The following DCLK1 variants were observed in gnomAD, a reference collection of about 807,000 sequenced individuals.
DCLK1 encodes serine/threonine-protein kinase DCLK1.
Under a neutral mutation model 86.2 loss-of-function variants are expected in DCLK1, and 16 were observed. That is an observed-to-expected ratio of 0.19 (90% CI 0.13 to 0.28). The LOEUF is 0.28. Among genes scored for constraint, DCLK1 ranks in the 10% least tolerant of loss-of-function variants. The probability of loss-of-function intolerance (pLI) is 1.00; values close to 1 mark genes in which losing one functional copy is unlikely to be tolerated. For synonymous variants in DCLK1, 369 were observed against 370.5 expected (o/e 1.00, Z 0.05); for missense variants, 590 against 940.2 (o/e 0.63, Z 4.87).
At chr13:35,909,114 A>G (rs1225193198) in intron 4 of DCLK1, among the ~76,000 whole-genome samples, 2 of 152,234 alleles carry the variant, frequency 1.3e-5, no homozygotes, top group African/African-American at 4.8e-5. Context: ...GGACTGTGTC[A>G]GCACCACACA....
rs1044522169 is a variant in DCLK1, at chr13:36,111,995, T to C, written c.597A>G (p.Lys199=). The C allele has an allele frequency of 1.6e-5, 26 of 1,614,116 alleles. No homozygotes were observed. The highest frequency in any genetic ancestry group is 2.1e-5 in the Non-Finnish European group (25 of 1,180,054). Reference sequence around the variant, plus strand: ...TCTTGTTCAGCAGAATCCTGACAGCTTTCCGTGGCTTCACGCCACTTCTGA... The same window carrying C: ...TCTTGTTCAGCAGAATCCTGACAGCCTTCCGTGGCTTCACGCCACTTCTGA... The part of the protein sequence containing the change: ...TIIRSGVKPR[K]AVRILLNKKT... Residue 199 remains lysine (K), a synonymous_variant, in exon 3 of 17, where the codon AAA becomes AAG. Transcript: ENST00000360631.
At chr13:35,840,707 C>A (rs919685262) in intron 6 of DCLK1, among the ~76,000 whole-genome samples, 1 of 152,138 alleles carries the variant, frequency 6.6e-6, no homozygotes, top group South Asian at 2.1e-4. Context: ...GCTACAAAAA[C>A]GGATTGAGAT....
intron 8 of DCLK1, among the ~76,000 whole-genome samples, chr13:35,833,152 C>A (rs941050960): frequency 6.6e-6 from 1 of 151,928 alleles, no homozygotes; most frequent in Non-Finnish European, 1.5e-5. Flanking sequence ...CAGAAGCATC[C>A]GCAGCAAGGA....
intron 2 of DCLK1, among the ~76,000 whole-genome samples, 182 bp from the exon 3 acceptor site, chr13:36,112,397 C>G (rs977372230): frequency 1.3e-5 from 2 of 152,160 alleles, no homozygotes; most frequent in African/African-American, 4.8e-5. Context: ...CTGGCACTGT[C>G]AGCAACAGAT....
chr13:35,912,878 G>A (rs1593726281), intron 4 of DCLK1, among the ~76,000 whole-genome samples: 1 of 152,186 alleles, frequency 6.6e-6, no homozygotes, highest in Non-Finnish European at 1.5e-5. Context: ...CACCCTCTGG[G>A]GTCTTGGGGG....
chr13:35,858,520 A>C (rs1871207595), intron 5 of DCLK1, among the ~76,000 whole-genome samples: 1 of 152,162 alleles, frequency 6.6e-6, no homozygotes, highest in African/African-American at 2.4e-5. Context: ...AAAACTTTGC[A>C]CTTTTCCCAT....
rs183392063 is a variant in DCLK1 at position 35,996,826 on chromosome 13, T to C, written c.724-49369A>G. Among the ~76,000 whole-genome samples, 267 of 152,340 alleles carry C rather than the reference T, an allele frequency of 1.8e-3. 1 individual carries two copies. The highest frequency in any genetic ancestry group is 2.8e-3 in the Non-Finnish European group (192 of 68,032). On this transcript the variant is annotated intron_variant, in intron 3 of 16. Transcript: ENST00000360631. ...ATCTTTTATACATGCTTTGCTTTCA[T>C]CCATATGGACAGCATAACTTTATTT...
chr13:35,871,385 C>T (rs1390138153), intron 4 of DCLK1, 45 bp from the exon 5 acceptor site: 11 of 1,444,820 alleles, frequency 7.6e-6, no homozygotes, highest in South Asian at 6.9e-5. Flanking sequence ...GGTAATGGCA[C>T]ACACACACCA....
intron 4 of DCLK1, among the ~76,000 whole-genome samples, chr13:35,900,744 C>A (rs1323336687): frequency 1.3e-5 from 2 of 152,158 alleles, no homozygotes; most frequent in African/African-American, 4.8e-5. Context: ...CATCACCTCC[C>A]ACCCTCGGCT....
intron 1 of DCLK1, among the ~76,000 whole-genome samples, chr13:36,127,181 G>C (rs1365594732): frequency 1.3e-5 from 2 of 152,134 alleles, no homozygotes; most frequent in African/African-American, 4.8e-5. Flanking sequence ...CTGTAGGTTG[G>C]ACCAACTTAA....
intron 15 of DCLK1, among the ~76,000 whole-genome samples, chr13:35,793,725 T>TAA (rs35264802): frequency 2.0e-5 from 3 of 149,732 alleles, no homozygotes; most frequent in South Asian, 2.1e-4. Context: ...GTCTCTAAAT[T>TAA]AAAAAAAAAA....
chr13:35,974,595 G>A (rs1435371698), intron 3 of DCLK1, among the ~76,000 whole-genome samples: 1 of 152,108 alleles, frequency 6.6e-6, no homozygotes, highest in Non-Finnish European at 1.5e-5. Context: ...AGTGTGTAAC[G>A]CTTCCCCTCT....
intron 3 of DCLK1, among the ~76,000 whole-genome samples, chr13:36,087,686 A>T (rs60791370): frequency 0.12 from 18,418 of 151,678 alleles, 1,501 homozygotes; most frequent in East Asian, 0.32. Flanking sequence ...CACCAAGAAG[A>T]CTCCTGGAGG....
chr13:36,076,173 G>A (rs1198693144), intron 3 of DCLK1, among the ~76,000 whole-genome samples: 2 of 152,156 alleles, frequency 1.3e-5, no homozygotes, highest in Non-Finnish European at 2.9e-5. Context: ...GTGTTTCACT[G>A]TGAGAAAATT....
At chr13:35,931,181 G>A (rs1455932149) in intron 4 of DCLK1, among the ~76,000 whole-genome samples, 4 of 152,116 alleles carry the variant, frequency 2.6e-5, no homozygotes, top group Non-Finnish European at 5.9e-5. Context: ...TCTTTGGCTA[G>A]GCAGGCCTCT....
chr13:36,031,659 G>C (rs1343511008), intron 3 of DCLK1, among the ~76,000 whole-genome samples: 1 of 152,206 alleles, frequency 6.6e-6, no homozygotes, highest in Non-Finnish European at 1.5e-5. Flanking sequence ...GACATCCTCA[G>C]TATTATTTAC....
At chr13:35,788,436 A>G in intron 16 of DCLK1, 1 of 702,500 alleles carries the variant, frequency 1.4e-6, no homozygotes. Flanking sequence ...AAGTCTGCAT[A>G]CTGACAACAA....
intron 3 of DCLK1, among the ~76,000 whole-genome samples, chr13:36,071,674 T>A (rs1208624105): frequency 1.3e-5 from 2 of 152,174 alleles, no homozygotes; most frequent in African/African-American, 2.4e-5. Context: ...AATGCTACTA[T>A]CTAAATTTTA....
rs144008235 is a variant in DCLK1, at chr13:36,121,149, T to C, written c.376+4613A>G. Reference sequence around the variant, plus strand: ...AAAAGACTGGTTAAATTAATGATGGTAACTTTGTATAAAGGAGTACTATGA... The same window carrying C: ...AAAAGACTGGTTAAATTAATGATGGCAACTTTGTATAAAGGAGTACTATGA... On this transcript the variant is annotated intron_variant, in intron 2 of 16. Transcript: ENST00000360631. Among the ~76,000 whole-genome samples, 9 of 152,328 alleles carry C rather than the reference T, an allele frequency of 5.9e-5. No individual in the cohort carries two copies. The East Asian group carries it at 1.7e-3, about 29-fold the overall frequency.
Sources: gnomAD v4.1 joint callset for allele counts (sites outside exome capture counted in the v4.1 genomes callset) on GRCh38, gnomAD v4.1.1 for gene constraint, MANE v1.5 for transcripts, NCBI Gene and HGNC (gene_info 2026-07-23, HGNC 2026-07-21) for gene names.